ITGA9: variants seen among roughly 807,000 people sequenced by gnomAD.
ITGA9 encodes the protein integrin alpha-9.
ITGA9 carries 56 observed loss-of-function variants against 127.8 expected under a neutral mutation model. That is an observed-to-expected ratio of 0.44 (90% CI 0.35 to 0.55). The LOEUF (loss-of-function observed/expected upper bound fraction) is 0.55. Among genes scored for constraint, ITGA9 ranks in the 20% least tolerant of loss-of-function variants. The pLI, the probability that ITGA9 is intolerant of heterozygous loss-of-function variation, is 0.00. For missense variants in ITGA9, 1,196 were observed against 1,347.1 expected (o/e 0.89, Z 1.76); for synonymous variants, 508 against 514.5 (o/e 0.99, Z 0.17).
At chr3:37,818,738 C>T in intron 27 of ITGA9, 153 bp from the exon 28 acceptor site, 1 of 675,920 alleles carries the variant, frequency 1.5e-6, no homozygotes, top group Admixed American at 2.4e-5. Flanking sequence ...GGATGTTTTT[C>T]TTGCCAGTGT....
rs186913375 is a variant in ITGA9, at chr3:37,633,953, G to C, written c.1839+4617G>C. Among the ~76,000 whole-genome samples the C allele has an allele frequency of 1.5e-3, 225 of 152,276 alleles. 1 individual carries two copies. Among genetic ancestry groups the C allele is most frequent in the African/African-American group, 5.2e-3 (214 of 41,542 alleles). The stretch of plus-strand genomic sequence containing the variant: ...TTGTGAAGTCAAAAAATCGTAGGTT[G>C]AACCATTATAAGTTGGAGACCGTCT... On this transcript the variant is annotated intron_variant, in intron 16 of 27. Coordinates refer to ENST00000264741, the MANE Select transcript of ITGA9 (RefSeq NM_002207.3).
chr3:37,697,296 C>T (rs1397047696), intron 18 of ITGA9, among the ~76,000 whole-genome samples: 2 of 144,220 alleles, frequency 1.4e-5, no homozygotes, highest in Non-Finnish European at 3.0e-5. Flanking sequence ...GTACAAATAA[C>T]GACTACTTCT....
rs576768087 is a variant in ITGA9, at chr3:37,809,438, A to G, written c.3009+5496A>G. The stretch of plus-strand genomic sequence containing the variant: ...TTCGCCTAACTAGAAGTTTTGTTCT[A>G]TTTTAAAGTAGATGAAACCTCATCT... On this transcript the variant is annotated intron_variant, in intron 27 of 27. Coordinates refer to ENST00000264741, the MANE Select transcript of ITGA9 (RefSeq NM_002207.3). 7.2e-4 allele frequency among the ~76,000 whole-genome samples: 109 copies of G among 152,224 alleles called. 1 individual carries two copies. The highest frequency in any genetic ancestry group is 2.5e-3 in the African/African-American group (105 of 41,542).
intron 27 of ITGA9, among the ~76,000 whole-genome samples, chr3:37,816,488 G>A (rs905503063): frequency 1.4e-4 from 22 of 152,276 alleles, no homozygotes; most frequent in Non-Finnish European, 2.6e-4. Flanking sequence ...ATCTGGCCAT[G>A]TTTTCTTAGC....
Position 37,785,057 on chromosome 3 carries a change from T to C in ITGA9, c.2868T>C (p.His956=). The change falls in exon 26 of 28, where the codon CAT becomes CAC. Residue 956 remains histidine (H), a synonymous_variant. Coordinates refer to ENST00000264741, the MANE Select transcript of ITGA9 (RefSeq NM_002207.3). ...DPALRVVEIA[H]GNPEEVTVVF... ...CCCTAAGGGTGGTGGAAATAGCTCA[T>C]GGGAACCCAGAAGAGGTGACGGTGA... 6.2e-7 allele frequency: 1 copy of C among 1,613,910 alleles called. No homozygotes were observed. Among genetic ancestry groups the C allele is most frequent in the Non-Finnish European group, 8.5e-7 (1 of 1,179,816 alleles).
intron 4 of ITGA9, among the ~76,000 whole-genome samples, chr3:37,492,967 C>T (rs1025105650): frequency 6.6e-6 from 1 of 152,208 alleles, no homozygotes; most frequent in Non-Finnish European, 1.5e-5. Context: ...GCACTAGTCT[C>T]ACTCGCAGCC....
intron 18 of ITGA9, among the ~76,000 whole-genome samples, chr3:37,710,359 C>T (rs1701065399): frequency 6.6e-6 from 1 of 151,936 alleles, no homozygotes. Context: ...GGACCTGATC[C>T]CCGACATCGA....
In ITGA9 at chr3:37,586,847, C is replaced by T. The variant is rs374167390; in HGVS notation, c.1690-42340C>T. On this transcript the variant is annotated intron_variant, in intron 15 of 27. Coordinates refer to ENST00000264741, the MANE Select transcript of ITGA9 (RefSeq NM_002207.3). ...GTGGACTGTTCCATTTTTCTGTTGT[C>T]CAACACTTGCTTTGTTTGTGACATT... Among the ~76,000 whole-genome samples, 13 of 152,310 alleles carry T rather than the reference C, an allele frequency of 8.5e-5. No individual in the cohort carries two copies. The East Asian group carries it at 1.9e-3, about 23-fold the overall frequency.
At chr3:37,697,899 G>A (rs1472319910) in intron 18 of ITGA9, among the ~76,000 whole-genome samples, 1 of 152,190 alleles carries the variant, frequency 6.6e-6, no homozygotes, top group South Asian at 2.1e-4. Flanking sequence ...AGATCCTTGA[G>A]GAATCACCAC....
At chr3:37,790,184 G>A in intron 26 of ITGA9, 1 of 568,420 alleles carries the variant, frequency 1.8e-6, no homozygotes, top group Non-Finnish European at 3.4e-6. Context: ...TTTGGCTCTT[G>A]ATGTGTTTCA....
chr3:37,822,006 C>T lies in ITGA9; in HGVS notation c.*3017C>T, dbSNP rs1350024533. On this transcript the variant is annotated 3_prime_UTR_variant, in exon 28 of 28. Coordinates refer to ENST00000264741, the MANE Select transcript of ITGA9 (RefSeq NM_002207.3). Reference sequence around the variant, plus strand: ...GCGCTCTCTCAACTTGGGCAGTTCACAAGCTCCTTCCCAGCTCAGAAGCCC... The same window carrying T: ...GCGCTCTCTCAACTTGGGCAGTTCATAAGCTCCTTCCCAGCTCAGAAGCCC... The T allele has an allele frequency of 6.6e-6, 1 of 152,114 alleles. No individual in the cohort carries two copies. The highest frequency in any genetic ancestry group is 1.9e-4 in the East Asian group (1 of 5,164). 9.4% of individuals were successfully genotyped at this position (152,114 alleles called of 1,614,324 possible). A position where few individuals can be genotyped will look rare whatever the true frequency, so the allele number is the denominator to read the frequency against.
intron 26 of ITGA9, among the ~76,000 whole-genome samples, chr3:37,789,602 T>TTCA (rs1697082123): frequency 1.2e-5 from 1 of 86,026 alleles, no homozygotes; most frequent in South Asian, 3.4e-4. Flanking sequence ...TACTAAAAAA[T>TTCA]ACCAAAAAAA....
intron 1 of ITGA9, among the ~76,000 whole-genome samples, chr3:37,468,457 G>C (rs980434003): frequency 2.0e-5 from 3 of 152,200 alleles, no homozygotes; most frequent in South Asian, 2.1e-4. Context: ...CTCTGAGCCA[G>C]GTTAGTGACG....
At chr3:37,473,305 C>G (rs745649219) in intron 2 of ITGA9, 49 bp from the exon 3 acceptor site, 1 of 1,458,542 alleles carries the variant, frequency 6.9e-7, no homozygotes, top group South Asian at 1.1e-5. Flanking sequence ...AAGCAGCCAG[C>G]AGAACATCAC....
intron 27 of ITGA9, 108 bp downstream of exon 27, chr3:37,804,050 C>A: frequency 6.6e-7 from 1 of 1,526,002 alleles, no homozygotes; most frequent in Non-Finnish European, 9.0e-7. Context: ...CTTCATGGCA[C>A]CGGTACAGTG....
At chr3:37,646,863 C>T (rs1331284051) in intron 16 of ITGA9, among the ~76,000 whole-genome samples, 1 of 151,996 alleles carries the variant, frequency 6.6e-6, no homozygotes, top group Non-Finnish European at 1.5e-5. Context: ...GAGTTTGGGC[C>T]ATTGGCTTCA....
intron 18 of ITGA9, among the ~76,000 whole-genome samples, chr3:37,724,107 C>T (rs1419564597): frequency 6.6e-6 from 1 of 152,148 alleles, no homozygotes; most frequent in Non-Finnish European, 1.5e-5. Flanking sequence ...GCCTCGGGCT[C>T]ACATCAAGGA....
chr3:37,497,828 G>A (rs1240300630), intron 5 of ITGA9, among the ~76,000 whole-genome samples: 2 of 152,212 alleles, frequency 1.3e-5, no homozygotes, highest in African/African-American at 4.8e-5. Flanking sequence ...TCACAAGCAG[G>A]TGACACACTG....
At chr3:37,674,857 CAAG>C (rs1405028130) in intron 17 of ITGA9, among the ~76,000 whole-genome samples, 1 of 152,168 alleles carries the variant, frequency 6.6e-6, no homozygotes, top group Non-Finnish European at 1.5e-5. Context: ...GACAGTTACG[CAAG>C]AAGGAAAGTG....
Sources: allele counts gnomAD v4.1 joint callset (sites outside exome capture counted in the v4.1 genomes callset), GRCh38; gene constraint gnomAD v4.1.1; transcripts MANE v1.5; gene names NCBI Gene and HGNC (gene_info 2026-07-23, HGNC 2026-07-21).